The following MKLN1 variants were observed in gnomAD, a reference collection of about 807,000 sequenced individuals.
MKLN1 encodes muskelin.
MKLN1 carries 18 observed loss-of-function variants against 99.0 expected under a neutral mutation model. The ratio of observed to expected loss-of-function variants is 0.18; its 90% CI spans 0.13 to 0.27. The LOEUF is 0.27. Ranked by LOEUF, MKLN1 falls within the 10% of genes least tolerant of loss-of-function variation. The pLI, the probability that MKLN1 is intolerant of heterozygous loss-of-function variation, is 1.00. For synonymous variants in MKLN1, 288 were observed against 293.2 expected, an observed-to-expected ratio of 0.98 and a Z score of 0.18; for missense variants, 621 against 875.9, an observed-to-expected ratio of 0.71 and a Z score of 3.67.
chr7:131,446,978 T>A (rs1225117794), intron 12 of MKLN1, among the ~76,000 whole-genome samples: 3 of 152,132 alleles, frequency 2.0e-5, no homozygotes, highest in Admixed American at 6.5e-5. Flanking sequence ...AATCTGTTGA[T>A]GAGTATAAAT....
chr7:131,135,351 G>A (rs1225753068), intron 1 of MKLN1, among the ~76,000 whole-genome samples: 1 of 152,176 alleles, frequency 6.6e-6, no homozygotes, highest in Non-Finnish European at 1.5e-5. Flanking sequence ...TCAAACTCCT[G>A]ACCTCAGGTG....
At chr7:131,314,817 G>A (rs891249817) in intron 3 of MKLN1, among the ~76,000 whole-genome samples, 3 of 151,974 alleles carry the variant, frequency 2.0e-5, no homozygotes, top group East Asian at 1.9e-4. Flanking sequence ...TCACACAAGC[G>A]GGAGTGCGGT....
At chr7:131,332,895 C>T (rs569590111) in intron 1 of MKLN1, among the ~76,000 whole-genome samples, 1 of 152,026 alleles carries the variant, frequency 6.6e-6, no homozygotes, top group East Asian at 1.9e-4. Flanking sequence ...TCTCAAGTAG[C>T]TGGGACTACA....
Position 131,341,601 on chromosome 7 carries a change from T to A in MKLN1, c.98+13604T>A, listed in dbSNP as rs373158133. ...TTTATTAGTACAGTGGTCCCCAACCTTTTTGGCACCAAGGACTGACTTTGT... is the reference window on the plus strand; with the variant it reads ...TTTATTAGTACAGTGGTCCCCAACCATTTTGGCACCAAGGACTGACTTTGT... On this transcript the variant is annotated intron_variant, in intron 1 of 17. Coordinates refer to ENST00000352689, the MANE Select transcript of MKLN1 (RefSeq NM_013255.5). Among the ~76,000 whole-genome samples, 291 of 152,322 alleles carry A rather than the reference T, an allele frequency of 1.9e-3. 8 individuals carry two copies. The South Asian group carries it at 0.056, about 30-fold the overall frequency.
At chr7:131,315,218 C>G (rs1188787807) in intron 3 of MKLN1, among the ~76,000 whole-genome samples, 1 of 151,612 alleles carries the variant, frequency 6.6e-6, no homozygotes, top group African/African-American at 2.4e-5. Context: ...AACTAAGGTA[C>G]CCAGTTCATT....
At chr7:131,247,266 T>C (rs983661767) in intron 3 of MKLN1, among the ~76,000 whole-genome samples, 1 of 147,106 alleles carries the variant, frequency 6.8e-6, no homozygotes, top group Non-Finnish European at 1.5e-5. Context: ...ATGGCTGGAG[T>C]GCAATGCCGC....
intron 9 of MKLN1, among the ~76,000 whole-genome samples, chr7:131,437,234 CCCT>C (rs1218429703): frequency 6.6e-6 from 1 of 151,996 alleles, no homozygotes; most frequent in South Asian, 2.1e-4. Context: ...TGACCCCCAC[CCCT>C]CGACAGTCCC....
chr7:131,196,181 T>G (rs1796641846), intron 2 of MKLN1, among the ~76,000 whole-genome samples: 1 of 152,204 alleles, frequency 6.6e-6, no homozygotes, highest in Non-Finnish European at 1.5e-5. Context: ...AAAGTTGGGT[T>G]ACTACTGAAT....
chr7:131,296,189 A>G (rs1798288914), intron 3 of MKLN1, among the ~76,000 whole-genome samples: 1 of 152,220 alleles, frequency 6.6e-6, no homozygotes, highest in Non-Finnish European at 1.5e-5. Flanking sequence ...CCCCAATGAC[A>G]TGTGTATAAG....
At chr7:131,142,531 C>G (rs1053977918) in intron 1 of MKLN1, among the ~76,000 whole-genome samples, 3 of 151,816 alleles carry the variant, frequency 2.0e-5, no homozygotes, top group Non-Finnish European at 1.5e-5. Context: ...GTCAGGAGAT[C>G]GAGATCATCC....
At chr7:131,115,152 A>G (rs1795255285) in intron 1 of MKLN1, among the ~76,000 whole-genome samples, 1 of 152,180 alleles carries the variant, frequency 6.6e-6, no homozygotes, top group African/African-American at 2.4e-5. Flanking sequence ...AAGGAAAATA[A>G]AAGAGAGTGG....
At position 131,278,372 on chromosome 7, in the gene MKLN1, T is replaced by C. The variant is rs115145350; in HGVS notation, c.-179+75398T>C. The stretch of plus-strand genomic sequence containing the variant: ...ATTTTTTATTGTTTTCTCTTCTTTA[T>C]AATCCAGGTGATCCAATAATAACTA... On this transcript the variant is annotated intron_variant, in intron 3 of 7. Coordinates refer to the MKLN1 transcript ENST00000416992. Among the ~76,000 whole-genome samples, 534 of 152,220 alleles carry C rather than the reference T, an allele frequency of 3.5e-3. 3 individuals carry two copies. Among genetic ancestry groups the C allele is most frequent in the African/African-American group, 0.012 (499 of 41,530 alleles).
intron 6 of MKLN1, among the ~76,000 whole-genome samples, chr7:131,406,456 T>C (rs962241972): frequency 2.0e-5 from 3 of 152,034 alleles, no homozygotes; most frequent in African/African-American, 7.2e-5. Context: ...AATTCATTAT[T>C]CTATTGTTGT....
chr7:131,428,813 A>G (rs2116427717), intron 8 of MKLN1, among the ~76,000 whole-genome samples: 1 of 152,260 alleles, frequency 6.6e-6, no homozygotes, highest in Admixed American at 6.5e-5. Context: ...TATTTTTATA[A>G]ATCTCTCAAA....
chr7:131,446,849 A>T (rs1249722615), intron 12 of MKLN1, among the ~76,000 whole-genome samples: 1 of 152,226 alleles, frequency 6.6e-6, no homozygotes, highest in East Asian at 1.9e-4. Context: ...ACATGGGAGG[A>T]TTGCTTGAAT....
intron 2 of MKLN1, among the ~76,000 whole-genome samples, chr7:131,172,477 G>A (rs1295650132): frequency 6.6e-6 from 1 of 150,990 alleles, no homozygotes; most frequent in Non-Finnish European, 1.5e-5. Flanking sequence ...CACCACGCCC[G>A]GCTAATTTTT....
rs1033914794 is a variant in MKLN1 at position 131,213,820 on chromosome 7, C to T, written c.-179+10846C>T. Reference sequence around the variant, plus strand: ...TAGTTGATTATTTTTCTTATTGCTTCGCATGAGTTCTTTATAATTTTTGAA... The same window carrying T: ...TAGTTGATTATTTTTCTTATTGCTTTGCATGAGTTCTTTATAATTTTTGAA... On this transcript the variant is annotated intron_variant, in intron 3 of 7. Transcript: ENST00000416992. 1.7e-4 allele frequency among the ~76,000 whole-genome samples: 26 copies of T among 152,216 alleles called. 1 individual carries two copies. Among genetic ancestry groups the T allele is most frequent in the Admixed American group, 1.4e-3 (22 of 15,294 alleles).
chr7:131,219,545 A>G (rs577193284), intron 3 of MKLN1, among the ~76,000 whole-genome samples: 19 of 152,162 alleles, frequency 1.2e-4, no homozygotes, highest in Non-Finnish European at 2.6e-4. Context: ...TAACTTGTCT[A>G]AAGATAGATA....
intron 3 of MKLN1, among the ~76,000 whole-genome samples, chr7:131,269,634 A>C (rs1044991607): frequency 3.3e-5 from 5 of 152,276 alleles, no homozygotes; most frequent in African/African-American, 1.2e-4. Context: ...TGTATTTTTC[A>C]CGGTTGTCAT....
Sources: allele counts gnomAD v4.1 joint callset (sites outside exome capture counted in the v4.1 genomes callset), GRCh38; gene constraint gnomAD v4.1.1; transcripts MANE v1.5; gene names NCBI Gene and HGNC (gene_info 2026-07-23, HGNC 2026-07-21).